The following DLC1 variants were observed in gnomAD, a reference collection of about 807,000 sequenced individuals.
DLC1 encodes DLC1 Rho GTPase activating protein.
In DLC1, 54 loss-of-function variants were observed where a neutral mutation model predicts 140.3. That is an observed-to-expected ratio of 0.38 (90% confidence interval 0.31 to 0.48). The LOEUF is 0.48. Ranked by LOEUF, DLC1 falls within the 20% of genes least tolerant of loss-of-function variation. DLC1 has a pLI of 0.96. For synonymous variants in DLC1, 986 were observed against 728.1 expected, an observed-to-expected ratio of 1.35 and a Z score of -5.70; for missense variants, 2,536 against 1,907.0, an observed-to-expected ratio of 1.33 and a Z score of -6.14.
intron 4 of DLC1, among the ~76,000 whole-genome samples, chr8:13,313,379 AC>A (rs1327905459): frequency 6.6e-6 from 1 of 152,236 alleles, no homozygotes; most frequent in East Asian, 1.9e-4. Flanking sequence ...GAAGACTGAA[AC>A]AAAAAATTAG....
chr8:13,529,661 T>G (rs1167624666), intron 1 of DLC1, among the ~76,000 whole-genome samples: 3 of 152,124 alleles, frequency 2.0e-5, no homozygotes, highest in Admixed American at 1.3e-4. Flanking sequence ...TCCTTGCAAC[T>G]GAGAGAGAGC....
At chr8:13,410,455 G>A (rs1164854240) in intron 2 of DLC1, among the ~76,000 whole-genome samples, 1 of 151,964 alleles carries the variant, frequency 6.6e-6, no homozygotes, top group Non-Finnish European at 1.5e-5. Context: ...AAAAATCCAA[G>A]AGAATAATAC....
intron 5 of DLC1, among the ~76,000 whole-genome samples, chr8:13,164,336 G>A (rs201287941): frequency 1.6e-4 from 21 of 134,672 alleles, no homozygotes; most frequent in African/African-American, 2.3e-4. Context: ...CTATCTGTCT[G>A]TCTGTCTGTC....
chr8:13,240,872 G>A (rs1285774929), intron 5 of DLC1, among the ~76,000 whole-genome samples: 1 of 152,122 alleles, frequency 6.6e-6, no homozygotes, highest in African/African-American at 2.4e-5. Flanking sequence ...TATAAAACCT[G>A]AGCCTTTCCT....
chr8:13,170,490 C>CCAAGTGTAATCCCAGCACTTTGG lies in DLC1; in HGVS notation c.1349-54834_1349-54833insCCAAAGTGCTGGGATTACACTTG, dbSNP rs1563133355. Reference sequence around the variant, plus strand: ...TCACGCCTGTAATCCCAGCACTTTGCGGGGCCAAGGTGGGCGGATCATGAG... The same window carrying CCAAGTGTAATCCCAGCACTTTGG: ...TCACGCCTGTAATCCCAGCACTTTGCCAAGTGTAATCCCAGCACTTTGGGGGGCCAAGGTGGGCGGATCATGAG... On this transcript the variant is annotated intron_variant, in intron 5 of 17. Transcript: ENST00000276297. Among the ~76,000 whole-genome samples the CCAAGTGTAATCCCAGCACTTTGG allele has an allele frequency of 3.3e-5, 5 of 152,074 alleles. No individual in the cohort carries two copies. In the East Asian group the frequency reaches 9.7e-4, roughly 30 times the overall value.
chr8:13,502,759 A>T (rs1801879115), intron 1 of DLC1, among the ~76,000 whole-genome samples: 1 of 152,154 alleles, frequency 6.6e-6, no homozygotes, highest in African/African-American at 2.4e-5. Context: ...TCAGATTTCT[A>T]TTACATTTCT....
intron 1 of DLC1, among the ~76,000 whole-genome samples, chr8:13,595,229 A>G (rs758347491): frequency 4.6e-5 from 7 of 152,024 alleles, no homozygotes; most frequent in Non-Finnish European, 8.8e-5. Context: ...TTTTTTTCCA[A>G]CAAAAATCAC....
intron 5 of DLC1, among the ~76,000 whole-genome samples, chr8:13,265,580 C>T (rs1284052166): frequency 6.6e-6 from 1 of 152,070 alleles, no homozygotes. Flanking sequence ...CAGTTTTGAT[C>T]CATTTGTCAT....
intron 4 of DLC1, among the ~76,000 whole-genome samples, chr8:13,315,274 G>A (rs1832822830): frequency 6.6e-6 from 1 of 152,142 alleles, no homozygotes; most frequent in African/African-American, 2.4e-5. Context: ...ATACATACAT[G>A]TTAATAATAA....
chr8:13,150,687 C>T (rs576163900), intron 5 of DLC1, among the ~76,000 whole-genome samples: 14 of 152,346 alleles, frequency 9.2e-5, no homozygotes, highest in African/African-American at 3.4e-4. Context: ...CACTTTCCCC[C>T]TGAACTCTAA....
At chr8:13,577,129 C>G (rs1217494995) in intron 1 of DLC1, among the ~76,000 whole-genome samples, 1 of 152,070 alleles carries the variant, frequency 6.6e-6, no homozygotes, top group Non-Finnish European at 1.5e-5. Context: ...TAAGAACAGT[C>G]CAAACTGGGC....
intron 6 of DLC1, 95 bp downstream of exon 6, chr8:13,115,491 G>A (rs1820473343): frequency 6.0e-6 from 7 of 1,172,984 alleles, no homozygotes; most frequent in South Asian, 1.6e-5. Flanking sequence ...ACATTTAAAC[G>A]ATAAAACTGC....
At chr8:13,285,086 G>C (rs1160652448) in intron 5 of DLC1, among the ~76,000 whole-genome samples, 2 of 152,172 alleles carry the variant, frequency 1.3e-5, no homozygotes, top group African/African-American at 4.8e-5. Context: ...AATTTTGAAA[G>C]TGAAGAGTGA....
chr8:13,451,249 T>C (rs574042762), intron 2 of DLC1, among the ~76,000 whole-genome samples: 1 of 152,118 alleles, frequency 6.6e-6, no homozygotes, highest in Non-Finnish European at 1.5e-5. Context: ...TGTGTATACA[T>C]AGTAGGTGTA....
intron 2 of DLC1, among the ~76,000 whole-genome samples, chr8:13,402,516 G>T (rs1837342371): frequency 6.6e-6 from 1 of 152,212 alleles, no homozygotes. Flanking sequence ...ACAGAGAAAT[G>T]TCGCACATGC....
Position 13,094,849 on chromosome 8 carries a change from C to T in DLC1, c.3436G>A (p.Val1146Met), listed in dbSNP as rs765021363. 105 of 1,614,232 alleles carry T rather than the reference C, an allele frequency of 6.5e-5. 1 individual carries two copies. In the Admixed American group the frequency reaches 1.2e-3, roughly 19 times the overall value. The stretch of plus-strand genomic sequence containing the variant: ...AAATACTGCTTCAGCATGTCTGCCA[C>T]GTCATAAGCAGACTGTCCTTCGTAG... Reference protein sequence around the residue: ...VNYEGQSAYDVADMLKQYFRD... With the variant: ...VNYEGQSAYDMADMLKQYFRD... Residue 1146 changes from valine to methionine, a missense_variant, in exon 12 of 18, where the codon GTG (valine) becomes ATG (methionine). Val to Met is a conservative substitution (Grantham distance 21, BLOSUM62 1). Coordinates refer to ENST00000276297, the MANE Select transcript of DLC1 (RefSeq NM_182643.3).
intron 5 of DLC1, among the ~76,000 whole-genome samples, chr8:13,161,992 T>G (rs886752618): frequency 3.9e-5 from 6 of 152,210 alleles, no homozygotes; most frequent in African/African-American, 1.4e-4. Flanking sequence ...ATGTACCAAA[T>G]TCATAGCAGC....
chr8:13,382,372 TG>T (rs1836307955), intron 4 of DLC1, among the ~76,000 whole-genome samples: 1 of 149,650 alleles, frequency 6.7e-6, no homozygotes, highest in South Asian at 2.1e-4. Context: ...CCGGGCGAGG[TG>T]GCGGGCGCCT....
chr8:13,143,740 C>T (rs1333252796), intron 5 of DLC1, among the ~76,000 whole-genome samples: 1 of 150,932 alleles, frequency 6.6e-6, no homozygotes, highest in Admixed American at 6.6e-5. Flanking sequence ...GATAATCATT[C>T]TGGCGTCTTT....
Sources: allele counts gnomAD v4.1 joint callset (sites outside exome capture counted in the v4.1 genomes callset), GRCh38; gene constraint gnomAD v4.1.1; transcripts MANE v1.5; gene names NCBI Gene and HGNC (gene_info 2026-07-23, HGNC 2026-07-21).